The following LRP2 variants were observed in gnomAD, a reference collection of about 807,000 sequenced individuals.
LRP2 encodes the protein LDL receptor related protein 2.
A neutral mutation model predicts 531.0 loss-of-function variants in LRP2; 172 were observed. The ratio of observed to expected loss-of-function variants is 0.32; its 90% CI spans 0.29 to 0.37. The LOEUF (loss-of-function observed/expected upper bound fraction) is 0.37, where lower values mean the gene tolerates loss of function less well. LRP2 is among the 10% of genes least tolerant of loss of function. The pLI, the probability that LRP2 is intolerant of heterozygous loss-of-function variation, is 1.00. For synonymous variants in LRP2, 1,992 were observed against 2,027.6 expected, an observed-to-expected ratio of 0.98 and a Z score of 0.47; for missense variants, 5,167 against 5,868.3, an observed-to-expected ratio of 0.88 and a Z score of 3.90.
chr2:169,222,653 T>C (rs1689060626), intron 33 of LRP2, among the ~76,000 whole-genome samples: 1 of 152,218 alleles, frequency 6.6e-6, no homozygotes, highest in East Asian at 1.9e-4. Context: ...AAGTTTAATT[T>C]ATAAATTAGA....
In LRP2 at chr2:169,258,037, T is replaced by TA. The variant is rs201371862; in HGVS notation, c.2514-789dup. The stretch of plus-strand genomic sequence containing the variant: ...AAAGTTTGAGTTAAGACAAATTCAT[T>TA]AAAAAACTAAACTGTTTAACTCTCT... On this transcript the variant is annotated intron_variant, in intron 17 of 78. Transcript: ENST00000649046. 7.5e-3 allele frequency among the ~76,000 whole-genome samples: 1,136 copies of TA among 152,222 alleles called. 9 individuals are homozygous for TA. The highest frequency in any genetic ancestry group is 0.026 in the African/African-American group (1,079 of 41,558).
intron 1 of LRP2, among the ~76,000 whole-genome samples, chr2:169,345,912 G>A (rs1685686563): frequency 6.6e-6 from 1 of 152,150 alleles, no homozygotes; most frequent in Admixed American, 6.5e-5. Context: ...ATCCACCAAT[G>A]TGCCCATAGA....
At chr2:169,217,479 T>A (rs2300446) in intron 34 of LRP2, among the ~76,000 whole-genome samples, 4 of 152,006 alleles carry the variant, frequency 2.6e-5, no homozygotes, top group Admixed American at 2.0e-4. Flanking sequence ...ACCCTCCAGT[T>A]CTTCTACACC....
At chr2:169,175,089 G>T in intron 55 of LRP2, 104 bp downstream of exon 55, 4 of 1,040,834 alleles carry the variant, frequency 3.8e-6, no homozygotes, top group Non-Finnish European at 5.9e-6. Context: ...CTAGGACTTT[G>T]AACTGGTTTT....
At chr2:169,175,165 A>G in intron 55 of LRP2, 28 bp downstream of exon 55, 1 of 1,610,676 alleles carries the variant, frequency 6.2e-7, no homozygotes, top group South Asian at 1.1e-5. Context: ...AGAAGTCGGA[A>G]AAAGAGGCAT....
At position 169,202,910 on chromosome 2, in the gene LRP2, C is replaced by T. The variant is rs2105327613; in HGVS notation, c.8055G>A (p.Leu2685=). Residue 2685 remains leucine (L), a synonymous_variant, in exon 43 of 79, where the codon TTG becomes TTA. Coordinates refer to ENST00000649046, the MANE Select transcript of LRP2 (RefSeq NM_004525.3). ...CAATGCAGTGCTTCCTGTTGTTGGC[C>T]AAATACCAGTTGCCCTCATGTGGAC... ...CQCPHEGNWY[L]ANNRKHCIVD... is the part of the protein sequence containing the mutation. The T allele has an allele frequency of 1.9e-6, 3 of 1,614,210 alleles. No homozygotes were observed. Among genetic ancestry groups the T allele is most frequent in the Non-Finnish European group, 2.5e-6 (3 of 1,180,034 alleles).
rs976183148 is a variant in LRP2, at chr2:169,272,994, A to G, written c.2049T>C (p.Asp683=). The change falls in exon 15 of 79, where the codon GAT becomes GAC. Residue 683 remains aspartate, a synonymous_variant. Coordinates refer to ENST00000649046, the MANE Select transcript of LRP2 (RefSeq NM_004525.3). The part of the protein sequence containing the change: ...VCVLSHRTDN[D]GLGFRCKCTF... ...TGCACTTGCAACGGAAACCCAAACC[A>G]TCATTATCTGTTCTGTGGCTGAGGA... The G allele has an allele frequency of 1.2e-6, 2 of 1,613,634 alleles. No individual in the cohort carries two copies. Among genetic ancestry groups the G allele is most frequent in the Admixed American group, 1.7e-5 (1 of 59,930 alleles).
chr2:169,146,682 A>C, intron 69 of LRP2, 57 bp downstream of exon 69: 1 of 1,405,108 alleles, frequency 7.1e-7, no homozygotes, highest in Non-Finnish European at 9.9e-7. Context: ...ACAGGCAAAG[A>C]CATTAGAAAT....
Position 169,128,792 on chromosome 2 carries a change from T to C in LRP2, c.13839A>G (p.Pro4613=). Residue 4613 remains proline (P), a synonymous_variant, in exon 79 of 79, where the codon CCA becomes CCG. Coordinates refer to ENST00000649046, the MANE Select transcript of LRP2 (RefSeq NM_004525.3). ...TAGCAGGGAGCGAAGGTGATGGAGG[T>C]GGTGTCGCAGCAACACTTTCCTTTT... The part of the protein sequence containing the change: ...NEQKESVAAT[P]PPSPSLPAKP... 6.2e-7 allele frequency: 1 copy of C among 1,613,978 alleles called. No homozygotes were observed.
intron 4 of LRP2, 93 bp downstream of exon 4, chr2:169,307,188 A>C (rs1684442816): frequency 2.3e-6 from 2 of 865,592 alleles, no homozygotes; most frequent in East Asian, 2.4e-5. Context: ...TATTGTAGGC[A>C]TTTATGTCCA....
chr2:169,327,987 G>A (rs866744076), intron 1 of LRP2, among the ~76,000 whole-genome samples: 1 of 95,618 alleles, frequency 1.0e-5, no homozygotes, highest in Non-Finnish European at 2.5e-5. Flanking sequence ...GAGGTGGGGG[G>A]GTTAGCCCCA....
At chr2:169,304,153 C>T (rs1683584782) in intron 4 of LRP2, among the ~76,000 whole-genome samples, 1 of 152,108 alleles carries the variant, frequency 6.6e-6, no homozygotes, top group Non-Finnish European at 1.5e-5. Context: ...CCTTTAGTCC[C>T]ACTGCATTTG....
intron 3 of LRP2, 134 bp from the exon 4 acceptor site, chr2:169,307,531 T>G (rs987406719): frequency 7.2e-5 from 49 of 682,380 alleles, no homozygotes; most frequent in Non-Finnish European, 1.2e-4. Flanking sequence ...ACCACCAAGC[T>G]GAGCTTACAA....
At chr2:169,284,974 A>G (rs775493036) in intron 9 of LRP2, among the ~76,000 whole-genome samples, 3 of 152,182 alleles carry the variant, frequency 2.0e-5, no homozygotes, top group Non-Finnish European at 4.4e-5. Flanking sequence ...TCTCTAGCAC[A>G]AATGCCCTTC....
intron 9 of LRP2, 117 bp from the exon 10 acceptor site, chr2:169,283,118 C>T (rs1683751145): frequency 3.9e-6 from 4 of 1,021,918 alleles, no homozygotes; most frequent in African/African-American, 1.6e-5. Flanking sequence ...TCTAAATAAA[C>T]ACCCTCTGGA....
intron 1 of LRP2, among the ~76,000 whole-genome samples, chr2:169,359,140 T>C (rs1686077435): frequency 6.6e-6 from 1 of 152,156 alleles, no homozygotes; most frequent in South Asian, 2.1e-4. Context: ...CTTTACACCA[T>C]GCTAAGCACT....
chr2:169,203,599 A>C (rs1006939557), intron 42 of LRP2, among the ~76,000 whole-genome samples: 8 of 152,156 alleles, frequency 5.3e-5, no homozygotes, highest in African/African-American at 1.9e-4. Flanking sequence ...GTCTCTACTA[A>C]AAATACAAAA....
rs1689412136 is a variant in LRP2, at chr2:169,231,740, G to A, written c.5201C>T (p.Ser1734Phe). 3 of 1,613,976 alleles carry A rather than the reference G, an allele frequency of 1.9e-6. No individual in the cohort carries two copies. Among genetic ancestry groups the A allele is most frequent in the Admixed American group, 3.3e-5 (2 of 60,000 alleles). ...TCTCAAGCAATTCAGGAGATCAGGAGACAGACTCCATCCTGAAGGACAAAC... is the reference window on the plus strand; with the variant it reads ...TCTCAAGCAATTCAGGAGATCAGGAAACAGACTCCATCCTGAAGGACAAAC... ...SCVCPSGWSL[S>F]PDLLNCLRDD... The change falls in exon 31 of 79, where the codon TCT (serine) becomes TTT (phenylalanine). Residue 1734 changes from serine (S) to phenylalanine (F), a missense_variant. Transcript: ENST00000649046.
intron 7 of LRP2, 32 bp from the exon 8 acceptor site, chr2:169,291,029 A>G: frequency 1.9e-6 from 3 of 1,608,562 alleles, no homozygotes; most frequent in Non-Finnish European, 2.6e-6. Context: ...GTTACAGGCC[A>G]TAGGGGAGGT....
Sources: allele counts gnomAD v4.1 joint callset (sites outside exome capture counted in the v4.1 genomes callset), GRCh38; gene constraint gnomAD v4.1.1; transcripts MANE v1.5; gene names NCBI Gene and HGNC (gene_info 2026-07-23, HGNC 2026-07-21).